The following PCSK2 variants were observed in gnomAD, a reference collection of about 807,000 sequenced individuals.
PCSK2 encodes the protein proprotein convertase subtilisin/kexin type 2.
In PCSK2, 14 loss-of-function variants were observed where a neutral mutation model predicts 69.7. The observed-to-expected ratio is 0.20, with a 90% confidence interval of 0.13 to 0.31. The LOEUF (loss-of-function observed/expected upper bound fraction) is 0.31, where lower values mean the gene tolerates loss of function less well. Ranked by LOEUF, PCSK2 falls within the 10% of genes least tolerant of loss-of-function variation. PCSK2 has a pLI of 1.00. For missense variants in PCSK2, 544 were observed against 842.5 expected, an observed-to-expected ratio of 0.65 and a Z score of 4.39; for synonymous variants, 307 against 320.7, an observed-to-expected ratio of 0.96 and a Z score of 0.46.
chr20:17,454,456 T>C (rs2032882626), intron 9 of PCSK2, among the ~76,000 whole-genome samples: 1 of 152,168 alleles, frequency 6.6e-6, no homozygotes, highest in African/African-American at 2.4e-5. Flanking sequence ...AGAGTTGTGA[T>C]TTTCATCATA....
intron 1 of PCSK2, among the ~76,000 whole-genome samples, chr20:17,259,615 C>A (rs1222665429): frequency 6.6e-6 from 1 of 152,188 alleles, no homozygotes; most frequent in Non-Finnish European, 1.5e-5. Context: ...GACAACCTCT[C>A]ATTACTGTGA....
chr20:17,377,882 A>G (rs1270462975), intron 5 of PCSK2, among the ~76,000 whole-genome samples: 1 of 152,234 alleles, frequency 6.6e-6, no homozygotes, highest in East Asian at 1.9e-4. Flanking sequence ...AAATGAAACT[A>G]CTTGTATGGA....
chr20:17,252,161 T>C (rs1037755947), intron 1 of PCSK2, among the ~76,000 whole-genome samples: 33 of 152,268 alleles, frequency 2.2e-4, no homozygotes, highest in African/African-American at 7.9e-4. Context: ...GTGATCATGT[T>C]CCCCAGATGC....
intron 5 of PCSK2, among the ~76,000 whole-genome samples, chr20:17,370,787 C>T (rs925462455): frequency 6.6e-6 from 1 of 152,216 alleles, no homozygotes; most frequent in African/African-American, 2.4e-5. Context: ...GTGCCTTCAC[C>T]TTTCCCTGCC....
At chr20:17,470,585 G>T (rs1422785084) in intron 11 of PCSK2, among the ~76,000 whole-genome samples, 1 of 152,210 alleles carries the variant, frequency 6.6e-6, no homozygotes, top group Admixed American at 6.5e-5. Context: ...AGCCTTGGGA[G>T]GGTGCTAGTA....
At chr20:17,319,151 A>G (rs1002394717) in intron 2 of PCSK2, among the ~76,000 whole-genome samples, 3 of 152,214 alleles carry the variant, frequency 2.0e-5, no homozygotes, top group African/African-American at 7.2e-5. Flanking sequence ...GGGCTCCTAT[A>G]ATTCCCCATT....
intron 8 of PCSK2, among the ~76,000 whole-genome samples, chr20:17,440,883 A>T (rs2032581065): frequency 6.7e-6 from 1 of 149,414 alleles, no homozygotes; most frequent in Non-Finnish European, 1.5e-5. Context: ...AAAAAAATGC[A>T]CCAAGAGGGA....
intron 1 of PCSK2, among the ~76,000 whole-genome samples, chr20:17,250,087 T>C (rs758711573): frequency 1.3e-5 from 2 of 152,192 alleles, no homozygotes; most frequent in Non-Finnish European, 2.9e-5. Flanking sequence ...AAAATTAACG[T>C]CTTAGGTAAA....
At chr20:17,281,727 T>A (rs1988322599) in intron 2 of PCSK2, among the ~76,000 whole-genome samples, 1 of 152,198 alleles carries the variant, frequency 6.6e-6, no homozygotes, top group South Asian at 2.1e-4. Flanking sequence ...GCCAAGCAAT[T>A]GCAGGCCATG....
At chr20:17,470,054 C>T (rs1053155392) in intron 11 of PCSK2, among the ~76,000 whole-genome samples, 1 of 152,194 alleles carries the variant, frequency 6.6e-6, no homozygotes, top group East Asian at 1.9e-4. Flanking sequence ...AGACTGGGAA[C>T]CACTGTCCAA....
chr20:17,387,710 G>T lies in PCSK2; in HGVS notation c.543+18433G>T, dbSNP rs914550084. ...TATGGGTCAGCCTTGTTCATTGTAGGGGACTGTATACAAGGTCATGAATAT... is the reference window on the plus strand; with the variant it reads ...TATGGGTCAGCCTTGTTCATTGTAGTGGACTGTATACAAGGTCATGAATAT... On this transcript the variant is annotated intron_variant, in intron 5 of 11. Transcript: ENST00000262545. 4.6e-5 allele frequency among the ~76,000 whole-genome samples: 7 copies of T among 152,162 alleles called. No individual in the cohort carries two copies. In the East Asian group the frequency reaches 1.3e-3, roughly 29 times the overall value.
At chr20:17,310,014 C>T (rs1989453986) in intron 2 of PCSK2, among the ~76,000 whole-genome samples, 1 of 152,022 alleles carries the variant, frequency 6.6e-6, no homozygotes, top group South Asian at 2.1e-4. Context: ...GGGGAGGCCT[C>T]TGGAAGCTTC....
intron 11 of PCSK2, among the ~76,000 whole-genome samples, chr20:17,480,943 A>C (rs535895790): frequency 2.6e-5 from 4 of 152,188 alleles, no homozygotes; most frequent in Non-Finnish European, 5.9e-5. Context: ...GAACACGGGG[A>C]GATTCTCGTG....
chr20:17,410,329 T>C (rs2031841746), intron 6 of PCSK2, among the ~76,000 whole-genome samples: 1 of 152,164 alleles, frequency 6.6e-6, no homozygotes, highest in African/African-American at 2.4e-5. Flanking sequence ...CTGAGTATCA[T>C]TTCTATTATT....
At chr20:17,341,056 GC>G (rs757883470) in intron 2 of PCSK2, among the ~76,000 whole-genome samples, 1 of 152,068 alleles carries the variant, frequency 6.6e-6, no homozygotes, top group Non-Finnish European at 1.5e-5. Flanking sequence ...TTCGAGAGCA[GC>G]CTGGCCAAAA....
chr20:17,383,067 C>T (rs2031133133), intron 5 of PCSK2, among the ~76,000 whole-genome samples: 1 of 152,278 alleles, frequency 6.6e-6, no homozygotes, highest in Admixed American at 6.5e-5. Context: ...GGGATCTGAC[C>T]TGTCTTGTTC....
intron 1 of PCSK2, among the ~76,000 whole-genome samples, chr20:17,231,826 TA>T (rs1420869301): frequency 6.6e-6 from 1 of 152,176 alleles, no homozygotes; most frequent in Non-Finnish European, 1.5e-5. Context: ...TTCACGGCTT[TA>T]AAGGAATTGA....
intron 8 of PCSK2, 100 bp downstream of exon 8, chr20:17,436,983 G>A: frequency 9.3e-7 from 1 of 1,073,786 alleles, no homozygotes; most frequent in Non-Finnish European, 1.3e-6. Flanking sequence ...CCCTGTGTGT[G>A]AGTCCAGGTC....
chr20:17,382,488 A>G (rs1288791727), intron 5 of PCSK2, among the ~76,000 whole-genome samples: 1 of 152,060 alleles, frequency 6.6e-6, no homozygotes, highest in Admixed American at 6.6e-5. Flanking sequence ...CATCTTACCA[A>G]ATGGCATCGC....
Sources: gnomAD v4.1 joint callset for allele counts (sites outside exome capture counted in the v4.1 genomes callset) on GRCh38, gnomAD v4.1.1 for gene constraint, MANE v1.5 for transcripts, NCBI Gene and HGNC (gene_info 2026-07-23, HGNC 2026-07-21) for gene names.